Variants in TTLL9 observed in about 807,000 individuals in gnomAD.
TTLL9 encodes the protein tubulin tyrosine ligase like 9, also known as probable tubulin polyglutamylase TTLL9.
TTLL9 carries 47 observed loss-of-function variants against 65.6 expected under a neutral mutation model. The observed-to-expected ratio is 0.72, with a 90% confidence interval of 0.57 to 0.91. TTLL9 has a LOEUF of 0.91. Among genes scored for constraint, TTLL9 ranks in the 40% least tolerant of loss-of-function variants. The pLI, the probability that TTLL9 is intolerant of heterozygous loss-of-function variation, is 0.00. For missense variants in TTLL9, 537 were observed against 568.8 expected (o/e 0.94, Z 0.57); for synonymous variants, 179 against 204.8 (o/e 0.87, Z 1.07).
intron 4 of TTLL9, among the ~76,000 whole-genome samples, chr20:31,899,611 G>A (rs1459825914): frequency 1.3e-5 from 2 of 151,706 alleles, no homozygotes; most frequent in African/African-American, 4.9e-5. Context: ...TCCAGCCTGG[G>A]TGACAGAGCG....
chr20:31,898,331 A>G, intron 3 of TTLL9, 142 bp from the exon 4 acceptor site: 1 of 633,348 alleles, frequency 1.6e-6, no homozygotes, highest in Non-Finnish European at 2.8e-6. Context: ...AAGTGTTATC[A>G]TGCTCTAATG....
In TTLL9 at chr20:31,870,726, CA is replaced by C; in HGVS notation, c.-228del. 1.6e-6 allele frequency: 1 copy of C among 608,466 alleles called. No homozygotes were observed. The highest frequency in any genetic ancestry group is 2.5e-6 in the Non-Finnish European group (1 of 406,226). The allele number at this position is 608,466 out of a possible 1,614,324, so 37.7% of individuals were successfully genotyped here. On this transcript the variant is annotated 5_prime_UTR_variant, in exon 1 of 15. Coordinates refer to ENST00000535842, the MANE Select transcript of TTLL9 (RefSeq NM_001008409.5). The surrounding 1 kb of genome is among the most constrained non-coding windows in gnomAD (Gnocchi z 6.6). Reference sequence around the variant, plus strand: ...GGAGGTGGGGGCGGGGGCCTTACCCCACCCTGGCACCGGCAGGCGCGGGCGG... The same window carrying C: ...GGAGGTGGGGGCGGGGGCCTTACCCCCCCTGGCACCGGCAGGCGCGGGCGG...
intron 10 of TTLL9, among the ~76,000 whole-genome samples, chr20:31,929,470 T>G (rs2063968039): frequency 1.3e-5 from 2 of 152,206 alleles, no homozygotes; most frequent in Admixed American, 1.3e-4. Flanking sequence ...TTTGGTGTAT[T>G]TCCTTCCAGG....
intron 4 of TTLL9, among the ~76,000 whole-genome samples, chr20:31,908,112 C>T (rs977165806): frequency 6.6e-6 from 1 of 152,278 alleles, no homozygotes; most frequent in East Asian, 1.9e-4. Flanking sequence ...TCCAAGATCA[C>T]CTTTGGGGGC....
intron 9 of TTLL9, among the ~76,000 whole-genome samples, chr20:31,925,460 C>A (rs937868657): frequency 2.0e-5 from 3 of 152,150 alleles, no homozygotes; most frequent in Non-Finnish European, 2.9e-5. Flanking sequence ...CAAGGTCACA[C>A]AGTTGGTGAG....
intron 3 of TTLL9, among the ~76,000 whole-genome samples, chr20:31,890,205 T>TTC (rs1568754240): frequency 8.5e-6 from 1 of 117,794 alleles, no homozygotes; most frequent in African/African-American, 3.3e-5. Flanking sequence ...TTCTTTCTCT[T>TTC]TCTTTCATCA....
intron 10 of TTLL9, among the ~76,000 whole-genome samples, chr20:31,932,928 G>A (rs1218551381): frequency 2.0e-5 from 3 of 152,090 alleles, no homozygotes; most frequent in East Asian, 1.9e-4. Context: ...CTCGGGAGGC[G>A]GAGGTTGCAG....
chr20:31,882,723 T>C (rs2063135762), intron 2 of TTLL9, among the ~76,000 whole-genome samples: 1 of 152,204 alleles, frequency 6.6e-6, no homozygotes, highest in African/African-American at 2.4e-5. Flanking sequence ...TGGGTCAAGA[T>C]AGTAATAGGA....
intron 6 of TTLL9, among the ~76,000 whole-genome samples, chr20:31,912,672 A>G (rs1366265971): frequency 3.3e-5 from 5 of 151,368 alleles, no homozygotes; most frequent in African/African-American, 1.2e-4. Context: ...GAATTGGCTC[A>G]TACAATATTG....
chr20:31,885,302 A>G (rs1418429987), intron 2 of TTLL9, among the ~76,000 whole-genome samples: 1 of 151,706 alleles, frequency 6.6e-6, no homozygotes, highest in African/African-American at 2.4e-5. Flanking sequence ...AGAAAGCTAC[A>G]GCAGTAATTA....
At chr20:31,883,346 C>T (rs571631801) in intron 2 of TTLL9, among the ~76,000 whole-genome samples, 2 of 152,138 alleles carry the variant, frequency 1.3e-5, no homozygotes, top group South Asian at 4.1e-4. Context: ...TACAGTTCCT[C>T]GCCACCATGC....
chr20:31,937,317 C>T (rs1322032495), intron 12 of TTLL9, 79 bp from the exon 13 acceptor site: 3 of 902,146 alleles, frequency 3.3e-6, no homozygotes, highest in Non-Finnish European at 5.3e-6. Flanking sequence ...GTCCATGCAT[C>T]CATCTAGCCT....
intron 7 of TTLL9, among the ~76,000 whole-genome samples, chr20:31,922,466 C>T (rs2063828454): frequency 1.3e-5 from 2 of 152,210 alleles, no homozygotes; most frequent in South Asian, 4.1e-4. Flanking sequence ...CTCCTCTCCC[C>T]AGCCCCTGGC....
chr20:31,934,193 T>C, intron 11 of TTLL9: 1 of 494,208 alleles, frequency 2.0e-6, no homozygotes, highest in South Asian at 1.8e-5. Context: ...TCTCTGTCTA[T>C]GTAAAATAAC....
chr20:31,936,524 G>A (rs1000043439), intron 12 of TTLL9, among the ~76,000 whole-genome samples: 1 of 151,526 alleles, frequency 6.6e-6, no homozygotes, highest in Non-Finnish European at 1.5e-5. Context: ...AGATGATCTC[G>A]CAATTCTGGA....
chr20:31,872,886 G>A, intron 2 of TTLL9: 2 of 446,242 alleles, frequency 4.5e-6, no homozygotes, highest in Non-Finnish European at 9.0e-6. Flanking sequence ...AGCACATATG[G>A]CCATGATTGG....
intron 8 of TTLL9, among the ~76,000 whole-genome samples, chr20:31,924,483 A>C (rs2063862535): frequency 6.6e-6 from 1 of 151,548 alleles, no homozygotes; most frequent in African/African-American, 2.4e-5. Context: ...ACCACTCCCC[A>C]TGGGGGTCTT....
chr20:31,870,908 C>G lies in TTLL9; in HGVS notation c.-47C>G, dbSNP rs1309579589. ...CGTGACGGGGCTGGACTTTGATCGC[C>G]GAGGGCTCTCTGCTCTTCAGAGTCT... On this transcript the variant is annotated 5_prime_UTR_variant, in exon 1 of 15. Transcript: ENST00000535842. The surrounding 1 kb of genome is among the most constrained non-coding windows in gnomAD (Gnocchi z 6.6). 1.7e-6 allele frequency: 1 copy of G among 585,118 alleles called. No individual in the cohort carries two copies. 36.2% of individuals were successfully genotyped at this position (585,118 alleles called of 1,614,324 possible). A position where few individuals can be genotyped will look rare whatever the true frequency, so the allele number is the denominator to read the frequency against.
chr20:31,934,892 A>G lies in TTLL9; in HGVS notation c.1004+4A>G. Reference sequence around the variant, plus strand: ...TCATCGACCAGGACCTCAAGCCGTAAGTGGGTGGGTGGGAGAGCCAGGAGG... The same window carrying G: ...TCATCGACCAGGACCTCAAGCCGTAGGTGGGTGGGTGGGAGAGCCAGGAGG... On this transcript the variant is annotated splice_donor_region_variant and intron_variant, in intron 12 of 14. Coordinates refer to ENST00000535842, the MANE Select transcript of TTLL9 (RefSeq NM_001008409.5). The G allele has an allele frequency of 1.2e-6, 2 of 1,607,686 alleles. No individual in the cohort carries two copies. Among genetic ancestry groups the G allele is most frequent in the Non-Finnish European group, 1.7e-6 (2 of 1,175,488 alleles).
Sources: gnomAD v4.1 joint callset for allele counts (sites outside exome capture counted in the v4.1 genomes callset) on GRCh38, gnomAD v4.1.1 for gene constraint, Gnocchi (gnomAD v3.1) non-coding constraint, MANE v1.5 for transcripts, NCBI Gene and HGNC (gene_info 2026-07-23, HGNC 2026-07-21) for gene names.